ARHGAP35: variants seen among roughly 807,000 people sequenced by gnomAD.
ARHGAP35 encodes Rho GTPase activating protein 35.
ARHGAP35 carries 15 observed loss-of-function variants against 111.1 expected under a neutral mutation model. The ratio of observed to expected loss-of-function variants is 0.13; its 90% CI spans 0.09 to 0.21. The LOEUF is 0.21. Among genes scored for constraint, ARHGAP35 ranks in the 10% least tolerant of loss-of-function variants. The pLI is 1.00. For missense variants in ARHGAP35, 1,262 were observed against 1,873.0 expected (o/e 0.67, Z 6.02); for synonymous variants, 643 against 710.3 (o/e 0.91, Z 1.51).
chr19:46,964,101 C>G (rs1284561716), intron 3 of ARHGAP35, among the ~76,000 whole-genome samples: 1 of 152,028 alleles, frequency 6.6e-6, no homozygotes, highest in African/African-American at 2.4e-5. Flanking sequence ...CTCCTGACCT[C>G]AGGTGATCCA....
rs1165130732 is a variant in ARHGAP35 at position 46,888,236 on chromosome 19, G to A, written c.-189+27027G>A. Among the ~76,000 whole-genome samples, 5 of 126,384 alleles carry A rather than the reference G, an allele frequency of 4.0e-5. 1 individual carries two copies. The highest frequency in any genetic ancestry group is 8.1e-5 in the Non-Finnish European group (5 of 61,678). The allele number at this position is 126,384 out of a possible 152,430, so 82.9% of individuals were successfully genotyped here. On this transcript the variant is annotated intron_variant, in intron 1 of 6. Coordinates refer to ENST00000672722, the MANE Select transcript of ARHGAP35 (RefSeq NM_004491.5). ...CAAAGTGCTGGGGTTACAGGCGTAAGCCACCGCACCCGGCCTCAATCAATA... is the reference window on the plus strand; with the variant it reads ...CAAAGTGCTGGGGTTACAGGCGTAAACCACCGCACCCGGCCTCAATCAATA...
At chr19:46,914,952 T>C (rs2056155893) in intron 1 of ARHGAP35, among the ~76,000 whole-genome samples, 1 of 152,184 alleles carries the variant, frequency 6.6e-6, no homozygotes, top group East Asian at 1.9e-4. Flanking sequence ...CATTTCAAGA[T>C]TGGTAACCTT....
chr19:46,863,267 TTC>T (rs1425867106), intron 1 of ARHGAP35, among the ~76,000 whole-genome samples: 2 of 152,174 alleles, frequency 1.3e-5, no homozygotes, highest in African/African-American at 4.8e-5. Context: ...AGACTGCAGA[TTC>T]TCTCTCTGCG....
chr19:46,863,570 C>T (rs1424451857), intron 1 of ARHGAP35, among the ~76,000 whole-genome samples: 3 of 152,172 alleles, frequency 2.0e-5, no homozygotes, highest in Non-Finnish European at 2.9e-5. Flanking sequence ...TTCCCTCCTT[C>T]CTTCTCTGAG....
intron 1 of ARHGAP35, among the ~76,000 whole-genome samples, chr19:46,861,834 C>G (rs1341568289): frequency 6.6e-6 from 1 of 152,124 alleles, no homozygotes; most frequent in Non-Finnish European, 1.5e-5. Flanking sequence ...CTTTGGAGAT[C>G]CATCTGAGAC....
chr19:46,928,929 C>CA (rs397977262), intron 2 of ARHGAP35, among the ~76,000 whole-genome samples: 27 of 136,092 alleles, frequency 2.0e-4, no homozygotes, highest in South Asian at 9.4e-4. Flanking sequence ...GAGACGGTCT[C>CA]AAAAAAAAAA....
intron 1 of ARHGAP35, among the ~76,000 whole-genome samples, chr19:46,895,204 C>G (rs185004940): frequency 1.3e-5 from 2 of 150,260 alleles, no homozygotes; most frequent in African/African-American, 4.9e-5. Context: ...CGCTCTGTCA[C>G]CCAGGCTGGA....
intron 1 of ARHGAP35, among the ~76,000 whole-genome samples, chr19:46,893,915 A>G (rs311383): frequency 0.63 from 91,337 of 145,026 alleles, 29,497 homozygotes; most frequent in Middle Eastern, 0.81. Context: ...TAAGATTTCA[A>G]ACTGTCTCTG....
intron 3 of ARHGAP35, among the ~76,000 whole-genome samples, chr19:46,963,411 C>A (rs1260431692): frequency 2.0e-5 from 3 of 152,150 alleles, no homozygotes; most frequent in Non-Finnish European, 4.4e-5. Flanking sequence ...GTTCAAGCCC[C>A]TCCTCACTTT....
At chr19:46,935,243 G>C (rs891542396) in intron 2 of ARHGAP35, among the ~76,000 whole-genome samples, 3 of 152,108 alleles carry the variant, frequency 2.0e-5, no homozygotes, top group Admixed American at 2.0e-4. Context: ...TGGAGTACAT[G>C]GTTCTTCCCT....
At chr19:46,978,373 C>G (rs796505554) in intron 3 of ARHGAP35, among the ~76,000 whole-genome samples, 30 of 152,238 alleles carry the variant, frequency 2.0e-4, no homozygotes, top group African/African-American at 7.2e-4. Context: ...CTCCTTAATG[C>G]TTGGGAGGAA....
chr19:46,927,716 G>A (rs1021387518), intron 2 of ARHGAP35, among the ~76,000 whole-genome samples: 6 of 152,150 alleles, frequency 3.9e-5, no homozygotes, highest in African/African-American at 1.4e-4. Context: ...CAGTCTTAAT[G>A]AGGTGATGTT....
Position 46,920,935 on chromosome 19 carries a change from G to C in ARHGAP35, c.2260G>C (p.Val754Leu). The C allele has an allele frequency of 6.2e-7, 1 of 1,613,788 alleles. No individual in the cohort carries two copies. The highest frequency in any genetic ancestry group is 8.5e-7 in the Non-Finnish European group (1 of 1,179,708). The change falls in exon 2 of 7, where the codon GTT becomes CTT. Residue 754 changes from valine (V) to leucine (L), a missense_variant. Physicochemically the swap from Val to Leu is conservative, Grantham distance 32. This residue lies in a region of ARHGAP35 where 579 missense variants were observed against 716.9 expected (regional missense o/e 0.81). Coordinates refer to ENST00000672722, the MANE Select transcript of ARHGAP35 (RefSeq NM_004491.5). This position sits in a 1 kb window ranked among gnomAD's most constrained non-coding sequence, Gnocchi z 7.0. ...CATTAATGAAAAGCAAATCAGTCAA[G>C]TTTTGAAGGGACTCCTGGACTCTAA... Reference protein sequence around the residue: ...RNINEKQISQVLKGLLDSKRN... With the variant: ...RNINEKQISQLLKGLLDSKRN...
At chr19:46,891,331 T>C (rs1259527430) in intron 1 of ARHGAP35, among the ~76,000 whole-genome samples, 1 of 152,182 alleles carries the variant, frequency 6.6e-6, no homozygotes, top group Non-Finnish European at 1.5e-5. Context: ...ATTCTACTTA[T>C]GTGAATGGGG....
At chr19:46,889,204 A>G (rs2056011294) in intron 1 of ARHGAP35, among the ~76,000 whole-genome samples, 1 of 149,574 alleles carries the variant, frequency 6.7e-6, no homozygotes, top group Admixed American at 6.6e-5. Context: ...TGTGGCTCAC[A>G]CCTGTAATCC....
At chr19:46,985,808 A>G (rs746172886) in intron 3 of ARHGAP35, among the ~76,000 whole-genome samples, 2 of 152,068 alleles carry the variant, frequency 1.3e-5, no homozygotes, top group Non-Finnish European at 2.9e-5. Context: ...CTCTCGGGGA[A>G]AGGGCCTTGG....
chr19:46,918,570 G>T lies in ARHGAP35; in HGVS notation c.-106G>T. On this transcript the variant is annotated 5_prime_UTR_variant, in exon 2 of 7. Coordinates refer to ENST00000672722, the MANE Select transcript of ARHGAP35 (RefSeq NM_004491.5). The surrounding 1 kb of genome is among the most constrained non-coding windows in gnomAD (Gnocchi z 5.4). ...CAACACTATGGGACCTGGCATTTTTGCTGCATGTCCAGCCCACCCCCACTA... is the reference window on the plus strand; with the variant it reads ...CAACACTATGGGACCTGGCATTTTTTCTGCATGTCCAGCCCACCCCCACTA... The T allele has an allele frequency of 1.8e-6, 2 of 1,133,330 alleles. No individual in the cohort carries two copies. Among genetic ancestry groups the T allele is most frequent in the South Asian group, 3.0e-5 (2 of 67,442 alleles). The allele number at this position is 1,133,330 out of a possible 1,614,324, so 70.2% of individuals were successfully genotyped here. A position where few individuals can be genotyped will look rare whatever the true frequency, so the allele number is the denominator to read the frequency against.
Position 46,988,234 on chromosome 19 carries a change from G to A in ARHGAP35, c.3904+168G>A. The A allele has an allele frequency of 4.6e-6, 3 of 650,274 alleles. No individual in the cohort carries two copies. The highest frequency in any genetic ancestry group is 3.6e-5 in the South Asian group (2 of 55,258). The allele number at this position is 650,274 out of a possible 1,614,324, so 40.3% of individuals were successfully genotyped here. On this transcript the variant is annotated intron_variant, in intron 4 of 6. Coordinates refer to ENST00000672722, the MANE Select transcript of ARHGAP35 (RefSeq NM_004491.5). This position sits in a 1 kb window ranked among gnomAD's most constrained non-coding sequence, Gnocchi z 5.4. ...CATGTGTGGCTGCAGCGGGGAGGAG[G>A]GGACCGGGTCCTGTCAGTGAACCGA... is the stretch of plus-strand genomic sequence containing the variant.
intron 3 of ARHGAP35, among the ~76,000 whole-genome samples, chr19:46,965,118 G>A (rs1436943992): frequency 6.6e-6 from 1 of 152,148 alleles, no homozygotes; most frequent in Non-Finnish European, 1.5e-5. Flanking sequence ...TTTGAGACCA[G>A]CCTGGCCAAC....
Sources: gnomAD v4.1 joint callset for allele counts (sites outside exome capture counted in the v4.1 genomes callset) on GRCh38, gnomAD v4.1.1 for gene constraint, gnomAD v4.1.1 regional missense constraint, Gnocchi (gnomAD v3.1) non-coding constraint, MANE v1.5 for transcripts, NCBI Gene and HGNC (gene_info 2026-07-23, HGNC 2026-07-21) for gene names.